NELL1: variants seen among roughly 807,000 people sequenced by gnomAD.
NELL1 encodes the protein protein kinase C-binding protein NELL1.
NELL1 carries 76 observed loss-of-function variants against 107.4 expected under a neutral mutation model. The ratio of observed to expected loss-of-function variants is 0.71; its 90% confidence interval spans 0.59 to 0.86. NELL1 has a LOEUF of 0.86. NELL1 is among the 40% of genes least tolerant of loss of function. The probability of loss-of-function intolerance (pLI) is 0.00; values close to 1 mark genes in which losing one functional copy is unlikely to be tolerated. For missense variants in NELL1, 1,024 were observed against 1,005.5 expected (o/e 1.02, Z -0.25); for synonymous variants, 353 against 341.2 (o/e 1.03, Z -0.38).
At chr11:21,433,184 C>A (rs1204779022) in intron 15 of NELL1, among the ~76,000 whole-genome samples, 2 of 152,178 alleles carry the variant, frequency 1.3e-5, no homozygotes, top group African/African-American at 4.8e-5. Flanking sequence ...TCTCTAGGCT[C>A]ATCCATATTG....
At chr11:21,033,464 A>G (rs773514118) in intron 12 of NELL1, among the ~76,000 whole-genome samples, 2 of 151,968 alleles carry the variant, frequency 1.3e-5, no homozygotes, top group Non-Finnish European at 2.9e-5. Context: ...TTTAGCTTTC[A>G]CTTATAAATG....
intron 12 of NELL1, among the ~76,000 whole-genome samples, chr11:20,978,482 A>G (rs1851685713): frequency 6.6e-6 from 1 of 152,212 alleles, no homozygotes; most frequent in Admixed American, 6.5e-5. Flanking sequence ...CAGAGTCTAA[A>G]TGAGGGATTT....
chr11:21,072,503 G>A (rs1854038582), intron 12 of NELL1, among the ~76,000 whole-genome samples: 1 of 152,118 alleles, frequency 6.6e-6, no homozygotes, highest in African/African-American at 2.4e-5. Flanking sequence ...CATTGTATAA[G>A]AGCATTCTTC....
intron 14 of NELL1, among the ~76,000 whole-genome samples, chr11:21,230,563 G>C (rs1339686615): frequency 6.6e-6 from 1 of 152,192 alleles, no homozygotes; most frequent in Non-Finnish European, 1.5e-5. Flanking sequence ...CCTTATTTTA[G>C]AAGTGATAAG....
intron 12 of NELL1, among the ~76,000 whole-genome samples, chr11:21,024,812 T>A (rs780197068): frequency 1.2e-4 from 18 of 152,164 alleles, no homozygotes; most frequent in Non-Finnish European, 2.1e-4. Context: ...TTCCTATTTA[T>A]GTACATTATG....
intron 4 of NELL1, among the ~76,000 whole-genome samples, chr11:20,869,608 A>G (rs1290444268): frequency 3.9e-5 from 6 of 152,202 alleles, no homozygotes; most frequent in Non-Finnish European, 8.8e-5. Flanking sequence ...TCTTGAGCAT[A>G]TATTTTGTGA....
At chr11:21,097,964 C>T (rs1465725598) in intron 12 of NELL1, among the ~76,000 whole-genome samples, 1 of 151,096 alleles carries the variant, frequency 6.6e-6, no homozygotes, top group East Asian at 1.9e-4. Flanking sequence ...TTAAAAATCT[C>T]CCTCCCAACT....
intron 2 of NELL1, among the ~76,000 whole-genome samples, chr11:20,724,608 C>T (rs1179630274): frequency 4.6e-5 from 7 of 152,182 alleles, no homozygotes; most frequent in African/African-American, 7.2e-5. Flanking sequence ...GAGACCACCT[C>T]GGCCTGGACT....
intron 13 of NELL1, among the ~76,000 whole-genome samples, chr11:21,115,917 T>A (rs1201196517): frequency 6.6e-6 from 1 of 151,940 alleles, no homozygotes. Context: ...TAGGTGAGGT[T>A]TTTTTTTCTT....
At chr11:20,782,062 A>G (rs1460967417) in intron 2 of NELL1, among the ~76,000 whole-genome samples, 2 of 151,730 alleles carry the variant, frequency 1.3e-5, no homozygotes, top group African/African-American at 4.8e-5. Flanking sequence ...AATAATAATG[A>G]TAATAAAAAT....
chr11:21,222,976 G>T (rs1857796773), intron 13 of NELL1, among the ~76,000 whole-genome samples: 2 of 152,140 alleles, frequency 1.3e-5, no homozygotes, highest in Admixed American at 6.5e-5. Flanking sequence ...TTCTATCCTA[G>T]AGAATGTTCT....
intron 4 of NELL1, among the ~76,000 whole-genome samples, chr11:20,882,537 G>A (rs1164712950): frequency 6.6e-6 from 1 of 152,292 alleles, no homozygotes; most frequent in Non-Finnish European, 1.5e-5. Context: ...ATTCATAGAT[G>A]TGTATACTTA....
chr11:21,000,174 A>G (rs1003337455), intron 12 of NELL1, among the ~76,000 whole-genome samples: 53 of 152,144 alleles, frequency 3.5e-4, no homozygotes, highest in African/African-American at 1.3e-3. Context: ...TTGACCTTGA[A>G]TAAGAATCTT....
chr11:20,789,279 C>A (rs1332669055), intron 3 of NELL1, among the ~76,000 whole-genome samples: 2 of 152,178 alleles, frequency 1.3e-5, no homozygotes, highest in East Asian at 3.9e-4. Flanking sequence ...TGTGAGTGAG[C>A]AAGGGGTCTG....
chr11:21,561,579 G>A (rs1856851116), intron 17 of NELL1, among the ~76,000 whole-genome samples: 1 of 152,070 alleles, frequency 6.6e-6, no homozygotes, highest in African/African-American at 2.4e-5. Flanking sequence ...AGATATAAAT[G>A]TCTAAGCTGT....
At chr11:21,361,070 A>G (rs935107494) in intron 14 of NELL1, among the ~76,000 whole-genome samples, 1 of 152,124 alleles carries the variant, frequency 6.6e-6, no homozygotes, top group Non-Finnish European at 1.5e-5. Context: ...TGTGAAATGT[A>G]TGCTTTAAGG....
chr11:20,721,953 A>G (rs1855399124), intron 2 of NELL1, among the ~76,000 whole-genome samples: 1 of 151,664 alleles, frequency 6.6e-6, no homozygotes, highest in African/African-American at 2.4e-5. Flanking sequence ...CAGGACTTCA[A>G]GTTGCAGCTC....
chr11:20,904,443 A>T (rs1175503553), intron 5 of NELL1, among the ~76,000 whole-genome samples: 1 of 152,176 alleles, frequency 6.6e-6, no homozygotes, highest in Non-Finnish European at 1.5e-5. Flanking sequence ...AAACATTTCA[A>T]ATCTAACAAA....
rs547371386 is a variant in NELL1 at position 21,306,528 on chromosome 11, C to A, written c.1550-64325C>A. 2.4e-4 allele frequency among the ~76,000 whole-genome samples: 37 copies of A among 152,128 alleles called. No homozygotes were observed. In the South Asian group the frequency reaches 7.7e-3, roughly 32 times the overall value. On this transcript the variant is annotated intron_variant, in intron 14 of 19. Coordinates refer to ENST00000357134, the MANE Select transcript of NELL1 (RefSeq NM_006157.5). ...ATACTAGGAACCTCTGCACTAATTG[C>A]AGTATGTCGATGTTTTTATTTTCTT...
Sources: gnomAD v4.1 joint callset for allele counts (sites outside exome capture counted in the v4.1 genomes callset) on GRCh38, gnomAD v4.1.1 for gene constraint, MANE v1.5 for transcripts, NCBI Gene and HGNC (gene_info 2026-07-23, HGNC 2026-07-21) for gene names.